The following TMEM132D variants were observed in gnomAD, a reference collection of about 807,000 sequenced individuals.
The protein encoded by TMEM132D is transmembrane protein 132D, also known as mature OL transmembrane protein.
A neutral mutation model predicts 62.3 loss-of-function variants in TMEM132D; 21 were observed. The observed-to-expected ratio is 0.34, with a 90% CI of 0.24 to 0.49. The LOEUF is 0.49. Among genes scored for constraint, TMEM132D ranks in the 20% least tolerant of loss-of-function variants. The probability of loss-of-function intolerance (pLI) is 0.99; values close to 1 mark genes in which losing one functional copy is unlikely to be tolerated. For synonymous variants in TMEM132D, 621 were observed against 575.6 expected (o/e 1.08, Z -1.13); for missense variants, 1,346 against 1,402.8 (o/e 0.96, Z 0.65).
rs118076808 is a variant in TMEM132D, at chr12:129,419,159, T to C, written c.1116-81342A>G. On this transcript the variant is annotated intron_variant, in intron 3 of 8. Transcript: ENST00000422113. ...GGGTGGAGAAAACTAATACACCCTATTTCTTCTATTTCCTTGAGAGTCCCC... is the reference window on the plus strand; with the variant it reads ...GGGTGGAGAAAACTAATACACCCTACTTCTTCTATTTCCTTGAGAGTCCCC... Among the ~76,000 whole-genome samples, 177 of 150,038 alleles carry C rather than the reference T, an allele frequency of 1.2e-3. 4 individuals are homozygous for C. In the East Asian group the frequency reaches 0.03, roughly 25 times the overall value.
intron 4 of TMEM132D, among the ~76,000 whole-genome samples, chr12:129,240,496 T>C (rs1015834348): frequency 6.6e-6 from 1 of 152,212 alleles, no homozygotes; most frequent in Non-Finnish European, 1.5e-5. Context: ...AATGAGGATG[T>C]ATCAACCTAG....
chr12:129,597,746 A>G (rs1878375971), intron 2 of TMEM132D, among the ~76,000 whole-genome samples: 2 of 152,214 alleles, frequency 1.3e-5, no homozygotes, highest in Admixed American at 6.5e-5. Flanking sequence ...GTGTAGGTAC[A>G]TTGGTTGAAG....
At chr12:129,132,834 G>T (rs552093680) in intron 5 of TMEM132D, among the ~76,000 whole-genome samples, 1 of 152,338 alleles carries the variant, frequency 6.6e-6, no homozygotes, top group South Asian at 2.1e-4. Flanking sequence ...GGATTAGCAG[G>T]CTTAGGCTGT....
intron 2 of TMEM132D, among the ~76,000 whole-genome samples, chr12:129,668,896 G>A (rs1488465988): frequency 2.6e-5 from 4 of 152,156 alleles, no homozygotes; most frequent in Admixed American, 2.0e-4. Context: ...TGGGGAATCT[G>A]GCCTCATACC....
intron 3 of TMEM132D, among the ~76,000 whole-genome samples, chr12:129,516,853 G>A (rs1875697268): frequency 6.6e-6 from 1 of 152,178 alleles, no homozygotes; most frequent in Non-Finnish European, 1.5e-5. Context: ...GGTTCTTTCT[G>A]GAGGCTTCAG....
chr12:129,662,791 CA>C (rs34743737), intron 2 of TMEM132D, among the ~76,000 whole-genome samples: 5 of 69,410 alleles, frequency 7.2e-5, no homozygotes, highest in African/African-American at 1.6e-4. Context: ...GATTCCATCT[CA>C]AAAAAAAAAA....
chr12:129,582,711 C>T (rs551240610), intron 2 of TMEM132D, among the ~76,000 whole-genome samples: 20 of 150,898 alleles, frequency 1.3e-4, no homozygotes, highest in Non-Finnish European at 2.4e-4. Context: ...CTCCGCCTCC[C>T]GGGTTCAAGC....
At chr12:129,618,671 T>G (rs1878983967) in intron 2 of TMEM132D, among the ~76,000 whole-genome samples, 1 of 152,228 alleles carries the variant, frequency 6.6e-6, no homozygotes, top group South Asian at 2.1e-4. Context: ...TTATTTAAAA[T>G]GCACATCTAT....
At chr12:129,224,255 C>T (rs1184758855) in intron 4 of TMEM132D, among the ~76,000 whole-genome samples, 2 of 152,198 alleles carry the variant, frequency 1.3e-5, no homozygotes, top group African/African-American at 4.8e-5. Context: ...TTTTGCCAAG[C>T]TCTTCACTGA....
At chr12:129,671,613 T>C (rs1418576732) in intron 2 of TMEM132D, among the ~76,000 whole-genome samples, 1 of 151,986 alleles carries the variant, frequency 6.6e-6, no homozygotes, top group African/African-American at 2.4e-5. Context: ...GCTGAAGCGT[T>C]TTTGAAACTT....
intron 3 of TMEM132D, among the ~76,000 whole-genome samples, chr12:129,489,440 C>CT: frequency 6.6e-6 from 1 of 152,130 alleles, no homozygotes; most frequent in East Asian, 1.9e-4. Flanking sequence ...ATGGTGTAAG[C>CT]TTTTTTCTCC....
chr12:129,374,517 C>T (rs887183142), intron 3 of TMEM132D, among the ~76,000 whole-genome samples: 7 of 151,810 alleles, frequency 4.6e-5, no homozygotes, highest in South Asian at 2.1e-4. Context: ...AGAGGGGATT[C>T]GGAGGTCTCT....
chr12:129,321,383 G>T (rs1201283901), intron 4 of TMEM132D, among the ~76,000 whole-genome samples: 1 of 152,172 alleles, frequency 6.6e-6, no homozygotes, highest in Non-Finnish European at 1.5e-5. Flanking sequence ...GTGATCAGGG[G>T]TGACAGAAAC....
chr12:129,121,692 C>A (rs1876069375), intron 5 of TMEM132D, among the ~76,000 whole-genome samples: 1 of 152,146 alleles, frequency 6.6e-6, no homozygotes, highest in Non-Finnish European at 1.5e-5. Flanking sequence ...GAAACCAATA[C>A]AGTACTACAC....
intron 4 of TMEM132D, among the ~76,000 whole-genome samples, chr12:129,225,026 G>A (rs993114290): frequency 1.3e-5 from 2 of 152,124 alleles, no homozygotes; most frequent in South Asian, 2.1e-4. Context: ...TGAGGAGTGC[G>A]AGCTTTGGGG....
chr12:129,078,113 G>A (rs144196139), intron 8 of TMEM132D, among the ~76,000 whole-genome samples: 33 of 152,290 alleles, frequency 2.2e-4, no homozygotes, highest in East Asian at 7.7e-4. Context: ...GTCACCCTCC[G>A]CTCCAGCAGG....
intron 1 of TMEM132D, among the ~76,000 whole-genome samples, chr12:129,902,369 G>A (rs976399506): frequency 1.3e-5 from 2 of 152,202 alleles, no homozygotes; most frequent in South Asian, 4.1e-4. Flanking sequence ...GTATCTATCT[G>A]CAGGAAAGGG....
chr12:129,570,297 T>C lies in TMEM132D; in HGVS notation c.969-39092A>G, dbSNP rs931271. 5.3e-3 allele frequency among the ~76,000 whole-genome samples: 802 copies of C among 152,356 alleles called. 2 individuals carry two copies. The highest frequency in any genetic ancestry group is 0.018 in the African/African-American group (765 of 41,578). ...ATAAGGCTCTACTCTCAGGTTCTCCTCCTGGTCCCAAGATGTCCACTGTAG... is the reference window on the plus strand; with the variant it reads ...ATAAGGCTCTACTCTCAGGTTCTCCCCCTGGTCCCAAGATGTCCACTGTAG... On this transcript the variant is annotated intron_variant, in intron 2 of 8. Coordinates refer to ENST00000422113, the MANE Select transcript of TMEM132D (RefSeq NM_133448.3).
At chr12:129,520,800 C>G (rs934673245) in intron 3 of TMEM132D, among the ~76,000 whole-genome samples, 1 of 152,190 alleles carries the variant, frequency 6.6e-6, no homozygotes, top group East Asian at 1.9e-4. Context: ...CAGACACTCA[C>G]GTGGTCTCAT....
Sources: gnomAD v4.1 joint callset for allele counts (sites outside exome capture counted in the v4.1 genomes callset) on GRCh38, gnomAD v4.1.1 for gene constraint, MANE v1.5 for transcripts, NCBI Gene and HGNC (gene_info 2026-07-23, HGNC 2026-07-21) for gene names.